Variants in CRYBG3 observed in about 807,000 individuals in gnomAD.
CRYBG3 encodes the protein crystallin beta-gamma domain containing 3.
CRYBG3 carries 127 observed loss-of-function variants against 244.2 expected under a neutral mutation model. The observed-to-expected ratio is 0.52, with a 90% CI of 0.45 to 0.60. The LOEUF is 0.60. Ranked by LOEUF, CRYBG3 falls within the 20% of genes least tolerant of loss-of-function variation. The pLI is 0.00. For synonymous variants in CRYBG3, 1,132 were observed against 1,195.8 expected, an observed-to-expected ratio of 0.95 and a Z score of 1.10; for missense variants, 3,325 against 3,442.5, an observed-to-expected ratio of 0.97 and a Z score of 0.85.
chr3:97,908,981 G>T (rs1487012181), intron 15 of CRYBG3, among the ~76,000 whole-genome samples: 1 of 151,918 alleles, frequency 6.6e-6, no homozygotes, highest in African/African-American at 2.4e-5. Flanking sequence ...TGTCTGTAAA[G>T]TATTTTATTT....
chr3:97,858,206 C>T (rs569318358), intron 2 of CRYBG3, among the ~76,000 whole-genome samples: 2 of 144,244 alleles, frequency 1.4e-5, no homozygotes, highest in African/African-American at 5.1e-5. Context: ...ATATATCAGT[C>T]TATTCTTTTC....
chr3:97,920,211 G>T (rs1338619286), intron 17 of CRYBG3, among the ~76,000 whole-genome samples: 1 of 152,054 alleles, frequency 6.6e-6, no homozygotes, highest in Non-Finnish European at 1.5e-5. Flanking sequence ...AATTAAAAAA[G>T]AATTAGATGG....
At position 97,874,936 on chromosome 3, in the gene CRYBG3, CCAT is replaced by C; in HGVS notation, c.3745_3747del (p.Ser1249del). The C allele has an allele frequency of 6.5e-7, 1 of 1,535,602 alleles. No homozygotes were observed. The highest frequency in any genetic ancestry group is 8.7e-7 in the Non-Finnish European group (1 of 1,146,712). On this transcript the variant is annotated inframe_deletion, in exon 4 of 22. Transcript: ENST00000389622. Reference sequence around the variant, plus strand: ...GAAAGAAGACATCTCTGAGAAAAACCCATCAGAAGTGACACTAACAGAAATACA... The same window carrying C: ...GAAAGAAGACATCTCTGAGAAAAACCCAGAAGTGACACTAACAGAAATACA...
chr3:97,859,762 C>T (rs1228685870), intron 2 of CRYBG3, among the ~76,000 whole-genome samples: 4 of 152,116 alleles, frequency 2.6e-5, no homozygotes, highest in Non-Finnish European at 5.9e-5. Flanking sequence ...ATTTGTTGGG[C>T]CATATTGTCT....
chr3:97,826,252 AT>A (rs2038575036), intron 1 of CRYBG3, among the ~76,000 whole-genome samples: 1 of 152,180 alleles, frequency 6.6e-6, no homozygotes, highest in African/African-American at 2.4e-5. Context: ...CAGATGGCTA[AT>A]TTGGGAATTC....
At chr3:97,879,076 T>C (rs1468680059) in intron 4 of CRYBG3, among the ~76,000 whole-genome samples, 2 of 152,136 alleles carry the variant, frequency 1.3e-5, no homozygotes, top group African/African-American at 4.8e-5. Context: ...AAAGAAATGA[T>C]AGGATTTGAA....
intron 17 of CRYBG3, among the ~76,000 whole-genome samples, chr3:97,919,642 T>C (rs2039962548): frequency 6.6e-6 from 1 of 151,480 alleles, no homozygotes; most frequent in Admixed American, 6.6e-5. Flanking sequence ...TTAAGTGTTT[T>C]GTGGGGGCTG....
At chr3:97,903,906 T>A (rs1295232531) in intron 15 of CRYBG3, among the ~76,000 whole-genome samples, 1 of 152,102 alleles carries the variant, frequency 6.6e-6, no homozygotes, top group African/African-American at 2.4e-5. Flanking sequence ...CCATTTCCAG[T>A]TGGGGAGCTG....
intron 17 of CRYBG3, among the ~76,000 whole-genome samples, chr3:97,930,102 AT>A (rs1221760025): frequency 2.6e-5 from 4 of 152,016 alleles, no homozygotes; most frequent in African/African-American, 7.2e-5. Flanking sequence ...AGGCTTCTAG[AT>A]TTTTTCCCCC....
At chr3:97,919,017 T>G (rs1233443684) in intron 17 of CRYBG3, among the ~76,000 whole-genome samples, 3 of 152,182 alleles carry the variant, frequency 2.0e-5, no homozygotes, top group Admixed American at 2.0e-4. Flanking sequence ...ACAAAGTATA[T>G]TCAAACAATA....
At position 97,872,229 on chromosome 3, in the gene CRYBG3, G is replaced by C. The variant is rs1183372592; in HGVS notation, c.1035G>C (p.Arg345Ser). 6 of 1,535,634 alleles carry C rather than the reference G, an allele frequency of 3.9e-6. No individual in the cohort carries two copies. The African/African-American group carries it at 8.2e-5, about 21-fold the overall frequency. ...CTTGGGGGAGTATTGAGAGAAATAG[G>C]TCATCCCCTTCTTCTGTGACTAACT... is the stretch of plus-strand genomic sequence containing the variant. ...KNAWGSIERN[R>S]SSPSSVTNSS... Residue 345 changes from arginine to serine, a missense_variant, in exon 4 of 22, where the codon AGG becomes AGC. Transcript: ENST00000389622.
In CRYBG3 at chr3:97,876,928, A is replaced by G; in HGVS notation, c.5734A>G (p.Thr1912Ala). The change falls in exon 4 of 22, where the codon ACA (threonine) becomes GCA (alanine). Residue 1912 changes from threonine (T) to alanine (A), a missense_variant. Transcript: ENST00000389622. ...TGTTGAAGAAACAAAGGAAGAGCCT[A>G]CAGAAATAAAGGAAGGCTTGATAGC... ...GSVEETKEEP[T>A]EIKEGLIAHE... 2 of 1,473,814 alleles carry G rather than the reference A, an allele frequency of 1.4e-6. No individual in the cohort carries two copies. Among genetic ancestry groups the G allele is most frequent in the South Asian group, 1.5e-5 (1 of 66,120 alleles). The allele number at this position is 1,473,814 out of a possible 1,614,324, so 91.3% of individuals were successfully genotyped here.
chr3:97,937,115 A>C (rs1266212096), intron 19 of CRYBG3, among the ~76,000 whole-genome samples: 1 of 152,066 alleles, frequency 6.6e-6, no homozygotes, highest in African/African-American at 2.4e-5. Context: ...TTTCAGTCCA[A>C]AGCCTCATTG....
intron 1 of CRYBG3, 66 bp downstream of exon 1, chr3:97,822,421 T>C: frequency 7.4e-7 from 1 of 1,358,400 alleles, no homozygotes; most frequent in Middle Eastern, 2.7e-4. Flanking sequence ...GCTCCCGGCC[T>C]GACCGCCGGC....
chr3:97,937,574 A>T (rs1342597403), intron 19 of CRYBG3, among the ~76,000 whole-genome samples: 1 of 152,016 alleles, frequency 6.6e-6, no homozygotes, highest in Non-Finnish European at 1.5e-5. Flanking sequence ...CTTCTCTCCC[A>T]ATCTACATTA....
intron 12 of CRYBG3, among the ~76,000 whole-genome samples, chr3:97,897,175 T>G (rs1044820152): frequency 2.0e-5 from 3 of 152,056 alleles, no homozygotes; most frequent in Non-Finnish European, 4.4e-5. Context: ...ATCTTTGACA[T>G]TGAGTTGGTA....
Position 97,872,785 on chromosome 3 carries a change from A to G in CRYBG3, c.1591A>G (p.Thr531Ala), listed in dbSNP as rs1264592104. 1.3e-6 allele frequency: 2 copies of G among 1,535,846 alleles called. No homozygotes were observed. The highest frequency in any genetic ancestry group is 1.7e-6 in the Non-Finnish European group (2 of 1,146,792). The change falls in exon 4 of 22, where the codon ACA becomes GCA. Residue 531 changes from threonine to alanine, a missense_variant. Physicochemically the swap from Thr to Ala is moderately conservative, Grantham distance 58. Around this residue, in one of 4 missense-constraint regions of CRYBG3, gnomAD observed 1,526 missense variants for 1,443.2 expected, o/e 1.06. Coordinates refer to ENST00000389622, the MANE Select transcript of CRYBG3 (RefSeq NM_153605.4). Reference protein sequence around the residue: ...NVAVREIRRETESASAGESIA... With the variant: ...NVAVREIRREAESASAGESIA... ...GGCTGTTAGAGAAATCAGGCGAGAA[A>G]CAGAAAGTGCCTCAGCTGGTGAATC...
Position 97,874,997 on chromosome 3 carries a change from A to G in CRYBG3, c.3803A>G (p.Glu1268Gly). The change falls in exon 4 of 22, where the codon GAA (glutamate) becomes GGA (glycine). Residue 1268 changes from glutamate (E) to glycine (G), a missense_variant. Transcript: ENST00000389622. ...QTEGLEEQGM[E>G]NMSEVKEKPC... ...GAGGGTTTGGAAGAGCAAGGCATGG[A>G]AAACATGTCAGAAGTCAAAGAGAAG... The G allele has an allele frequency of 1.3e-6, 2 of 1,535,972 alleles. No homozygotes were observed. The highest frequency in any genetic ancestry group is 1.7e-6 in the Non-Finnish European group (2 of 1,146,838).
chr3:97,824,338 A>T (rs77207258), intron 1 of CRYBG3, among the ~76,000 whole-genome samples: 1 of 152,214 alleles, frequency 6.6e-6, no homozygotes. Flanking sequence ...AAAAACTTTT[A>T]TCATTATGAG....
Sources: gnomAD v4.1 joint callset for allele counts (sites outside exome capture counted in the v4.1 genomes callset) on GRCh38, gnomAD v4.1.1 for gene constraint, gnomAD v4.1.1 regional missense constraint, MANE v1.5 for transcripts, NCBI Gene and HGNC (gene_info 2026-07-23, HGNC 2026-07-21) for gene names.